CD9: variants seen among roughly 807,000 people sequenced by gnomAD.
CD9 encodes CD9 molecule, also known as CD9 antigen.
CD9 carries 10 observed loss-of-function variants against 31.4 expected under a neutral mutation model. That is an observed-to-expected ratio of 0.32 (90% CI 0.20 to 0.54). The LOEUF is 0.54. Among genes scored for constraint, CD9 ranks in the 20% least tolerant of loss-of-function variants. CD9 has a pLI of 0.94. For missense variants in CD9, 259 were observed against 300.1 expected, an observed-to-expected ratio of 0.86 and a Z score of 1.01; for synonymous variants, 113 against 114.1, an observed-to-expected ratio of 0.99 and a Z score of 0.06.
At chr12:6,211,966 A>G (rs914128018) in intron 1 of CD9, among the ~76,000 whole-genome samples, 5 of 152,180 alleles carry the variant, frequency 3.3e-5, no homozygotes, top group Non-Finnish European at 5.9e-5. Context: ...AGGTTTTTAA[A>G]TGATGCTGAC....
rs1353161344 is a variant in CD9, at chr12:6,236,968, C to CTTCTTTTTTTTCTTTTT, written c.621+704_621+720dup. 4.6e-5 allele frequency among the ~76,000 whole-genome samples: 7 copies of CTTCTTTTTTTTCTTTTT among 152,248 alleles called. No individual in the cohort carries two copies. The East Asian group carries it at 7.7e-4, about 17-fold the overall frequency. On this transcript the variant is annotated intron_variant, in intron 7 of 7. Transcript: ENST00000009180. ...CTTTCAGCAAAATATACGACAATAC[C>CTTCTTTTTTTTCTTTTT]TTCTTTTTTTTCTTTTTTTCTTTTT...
At chr12:6,201,027 A>C (rs1264095777) in intron 1 of CD9, 1 of 153,678 alleles carries the variant, frequency 6.5e-6, no homozygotes, top group African/African-American at 2.4e-5. Flanking sequence ...AGGGGGCGCC[A>C]GGAAGGGAGG....
intron 1 of CD9, among the ~76,000 whole-genome samples, chr12:6,219,161 ACGCC>A (rs1946269219): frequency 6.6e-6 from 1 of 151,826 alleles, no homozygotes; most frequent in Non-Finnish European, 1.5e-5. Flanking sequence ...ACACACCACC[ACGCC>A]CGGCTAATTT....
chr12:6,221,738 G>A (rs1252372341), intron 1 of CD9, among the ~76,000 whole-genome samples: 1 of 151,174 alleles, frequency 6.6e-6, no homozygotes, highest in Non-Finnish European at 1.5e-5. Flanking sequence ...TGCTTTGGGA[G>A]GCTGAGGCAG....
Position 6,233,392 on chromosome 12 carries a change from G to C in CD9, c.274-20G>C. ...GGTTGGCTGGGACTGTTCTCACCCCGTCCCCTCGTTGCCTTCCAGTTCTTC... is the reference window on the plus strand; with the variant it reads ...GGTTGGCTGGGACTGTTCTCACCCCCTCCCCTCGTTGCCTTCCAGTTCTTC... On this transcript the variant is annotated intron_variant, in intron 3 of 7. Coordinates refer to ENST00000009180, the MANE Select transcript of CD9 (RefSeq NM_001769.4). 8.1e-6 allele frequency: 13 copies of C among 1,602,684 alleles called. No individual in the cohort carries two copies. Among genetic ancestry groups the C allele is most frequent in the Non-Finnish European group, 1.0e-5 (12 of 1,169,668 alleles).
rs149396748 is a variant in CD9 at position 6,211,232 on chromosome 12, G to A, written c.66+10667G>A. ...CCTATTCTGAAAACTAAATAGTTCT[G>A]GAGAAGTGCTTAGGGTGGGGTTGTG... is the stretch of plus-strand genomic sequence containing the variant. On this transcript the variant is annotated intron_variant, in intron 1 of 7. Coordinates refer to ENST00000009180, the MANE Select transcript of CD9 (RefSeq NM_001769.4). 5.3e-3 allele frequency among the ~76,000 whole-genome samples: 809 copies of A among 152,264 alleles called. 10 individuals are homozygous for A. Among genetic ancestry groups the A allele is most frequent in the African/African-American group, 0.018 (737 of 41,532 alleles).
intron 2 of CD9, among the ~76,000 whole-genome samples, chr12:6,230,140 G>A (rs946820771): frequency 2.6e-5 from 4 of 152,154 alleles, no homozygotes; most frequent in African/African-American, 9.7e-5. Context: ...CAGATGAGCT[G>A]TCCTGTAGCT....
At chr12:6,221,861 G>A (rs114917059) in intron 1 of CD9, among the ~76,000 whole-genome samples, 2,426 of 151,670 alleles carry the variant, frequency 0.016, 68 homozygotes, top group African/African-American at 0.056. Context: ...CAGGATTAGC[G>A]GCATGCACCT....
At chr12:6,227,302 G>T (rs1331985773) in intron 2 of CD9, among the ~76,000 whole-genome samples, 1 of 151,910 alleles carries the variant, frequency 6.6e-6, no homozygotes, top group Non-Finnish European at 1.5e-5. Context: ...AGGTTCAAGC[G>T]ATTCTCCTGC....
intron 1 of CD9, chr12:6,200,791 G>T: frequency 2.3e-6 from 1 of 444,436 alleles, no homozygotes; most frequent in East Asian, 3.8e-5. Flanking sequence ...TCACCGCCCA[G>T]CCGGCGTGGG....
chr12:6,220,166 C>A (rs1946279529), intron 1 of CD9, among the ~76,000 whole-genome samples: 1 of 152,032 alleles, frequency 6.6e-6, no homozygotes, highest in South Asian at 2.1e-4. Context: ...GTTGCATTTG[C>A]CATTTGCATG....
chr12:6,204,122 G>T (rs1324287104), intron 1 of CD9, among the ~76,000 whole-genome samples: 1 of 152,292 alleles, frequency 6.6e-6, no homozygotes, highest in African/African-American at 2.4e-5. Context: ...CCTTGGGTTG[G>T]TCACTTCTGT....
intron 6 of CD9, 45 bp downstream of exon 6, chr12:6,235,610 G>T: frequency 6.4e-7 from 1 of 1,558,670 alleles, no homozygotes; most frequent in South Asian, 1.2e-5. Context: ...CCATTGCTCT[G>T]GACAAACCCT....
chr12:6,235,787 G>T, intron 6 of CD9: 1 of 1,389,222 alleles, frequency 7.2e-7, no homozygotes, highest in Non-Finnish European at 9.3e-7. Flanking sequence ...TTCTGGCACC[G>T]CCCACTGCTG....
chr12:6,200,581 TG>T lies in CD9; in HGVS notation c.66+17del, dbSNP rs778167697. The T allele has an allele frequency of 3.9e-5, 62 of 1,580,114 alleles. No homozygotes were observed. The highest frequency in any genetic ancestry group is 1.4e-5 in the African/African-American group (1 of 73,952). On this transcript the variant is annotated intron_variant, in intron 1 of 7. Coordinates refer to ENST00000009180, the MANE Select transcript of CD9 (RefSeq NM_001769.4). ...CATCTTCTGGGTGAGTGAGCGCGAC[TG>T]CCGCGCGCTCCTCTCAGGGCCCACC...
chr12:6,232,503 TC>T lies in CD9; in HGVS notation c.176-126del. On this transcript the variant is annotated intron_variant, in intron 2 of 7. Transcript: ENST00000009180. This position sits in a 1 kb window ranked among gnomAD's most constrained non-coding sequence, Gnocchi z 4.8. ...TGTATTTTAAGGAAAGGGAACTTCT[TC>T]CCTGAGATGAGGGGAATAAGGAGGT... 2 of 695,808 alleles carry T rather than the reference TC, an allele frequency of 2.9e-6. No individual in the cohort carries two copies. The highest frequency in any genetic ancestry group is 5.2e-6 in the Non-Finnish European group (2 of 386,624). 43.1% of individuals were successfully genotyped at this position (695,808 alleles called of 1,614,324 possible).
At chr12:6,225,667 G>T in intron 2 of CD9, 133 bp downstream of exon 2, 1 of 614,822 alleles carries the variant, frequency 1.6e-6, no homozygotes, top group Non-Finnish European at 2.9e-6. Context: ...GGCCAGTCGT[G>T]TCCCTTTCAA....
chr12:6,236,367 T>C (rs2136641583), intron 7 of CD9, 92 bp downstream of exon 7: 4 of 1,113,502 alleles, frequency 3.6e-6, no homozygotes, highest in East Asian at 4.8e-5. Context: ...ACTCTGTGCA[T>C]TTGTCAACTC....
intron 2 of CD9, among the ~76,000 whole-genome samples, chr12:6,227,205 A>AT (rs375025117): frequency 0.036 from 5,410 of 148,540 alleles, 287 homozygotes; most frequent in African/African-American, 0.12. Context: ...TATTTTTTTT[A>AT]TTTTTTTTTT....
Sources: allele counts gnomAD v4.1 joint callset (sites outside exome capture counted in the v4.1 genomes callset), GRCh38; gene constraint gnomAD v4.1.1; non-coding constraint Gnocchi (gnomAD v3.1); transcripts MANE v1.5; gene names NCBI Gene and HGNC (gene_info 2026-07-23, HGNC 2026-07-21).